The following ZNF730 variants were observed in gnomAD, a reference collection of about 807,000 sequenced individuals.
The protein encoded by ZNF730 is zinc finger protein 730.
In ZNF730, 12 loss-of-function variants were observed where a neutral mutation model predicts 12.6. The ratio of observed to expected loss-of-function variants is 0.95; its 90% CI spans 0.61 to 1.54. ZNF730 has a LOEUF of 1.54. Among genes scored for constraint, ZNF730 ranks in the 40% most tolerant of loss-of-function variants. ZNF730 has a pLI of 0.00. For synonymous variants in ZNF730, 194 were observed against 195.8 expected, an observed-to-expected ratio of 0.99 and a Z score of 0.08; for missense variants, 643 against 583.5, an observed-to-expected ratio of 1.10 and a Z score of -1.05.
At chr19:23,130,884 G>C (rs1277714490) in intron 1 of ZNF730, among the ~76,000 whole-genome samples, 1 of 152,090 alleles carries the variant, frequency 6.6e-6, no homozygotes, top group Non-Finnish European at 1.5e-5. Context: ...CCTTTTGAAG[G>C]CCTTATTTAA....
At chr19:23,129,476 T>G (rs955801090) in intron 1 of ZNF730, among the ~76,000 whole-genome samples, 1 of 152,022 alleles carries the variant, frequency 6.6e-6, no homozygotes, top group African/African-American at 2.4e-5. Flanking sequence ...AAGATTTGAC[T>G]GCCCTGCTTG....
chr19:23,095,303 TG>T, intron 1 of ZNF730: 1 of 398,566 alleles, frequency 2.5e-6, no homozygotes, highest in South Asian at 1.3e-4. Flanking sequence ...ACGTACGTTA[TG>T]TGACTCTCCT....
At chr19:23,085,826 A>ATTTTTTTTTTTTTT (rs1383951518) in intron 1 of ZNF730, among the ~76,000 whole-genome samples, 5 of 72,546 alleles carry the variant, frequency 6.9e-5, no homozygotes, top group African/African-American at 1.2e-4. Flanking sequence ...ATTTCACCCA[A>ATTTTTTTTTTTTTT]TTTTTTTTTC....
rs1251425276 is a variant in ZNF730 at position 23,134,073 on chromosome 19, T to C, written c.4-7T>C. 5.6e-6 allele frequency: 9 copies of C among 1,612,596 alleles called. No homozygotes were observed. The highest frequency in any genetic ancestry group is 7.6e-6 in the Non-Finnish European group (9 of 1,179,286). On this transcript the variant is annotated splice_region_variant and splice_polypyrimidine_tract_variant and intron_variant, in intron 1 of 3. Transcript: ENST00000597761. Reference sequence around the variant, plus strand: ...GGTAAATATGTGTGTTTGTTTGTGTTTTTCAGGGAGCGTTGACATTTAGAG... The same window carrying C: ...GGTAAATATGTGTGTTTGTTTGTGTCTTTCAGGGAGCGTTGACATTTAGAG...
Position 23,117,064 on chromosome 19 carries a change from C to T in ZNF730, c.-110C>T. On this transcript the variant is annotated 5_prime_UTR_variant, in exon 1 of 4. Coordinates refer to ENST00000597761, the MANE Select transcript of ZNF730 (RefSeq NM_001277403.2). ...CTGCCGCCGAAGCTCCAATTTTCGT[C>T]TGTCTGCTTTGTGTCCTCTGCACGT... is the stretch of plus-strand genomic sequence containing the variant. The T allele has an allele frequency of 2.0e-6, 3 of 1,537,860 alleles. No individual in the cohort carries two copies. The highest frequency in any genetic ancestry group is 2.6e-6 in the Non-Finnish European group (3 of 1,133,084).
In ZNF730 at chr19:23,145,264, C is replaced by G. The variant is rs962902007; in HGVS notation, c.227-7C>G. 1 of 1,479,834 alleles carries G rather than the reference C, an allele frequency of 6.8e-7. No individual in the cohort carries two copies. Among genetic ancestry groups the G allele is most frequent in the African/African-American group, 1.4e-5 (1 of 70,692 alleles). 91.7% of individuals were successfully genotyped at this position (1,479,834 alleles called of 1,614,324 possible). A position where few individuals can be genotyped will look rare whatever the true frequency, so the allele number is the denominator to read the frequency against. ...ATGCAGTAATTTGTTATTTTTATTTCTTTCAGTTATATGTTCTCATATTGC... is the reference window on the plus strand; with the variant it reads ...ATGCAGTAATTTGTTATTTTTATTTGTTTCAGTTATATGTTCTCATATTGC... On this transcript the variant is annotated splice_polypyrimidine_tract_variant and splice_region_variant and intron_variant, in intron 3 of 3. Coordinates refer to ENST00000597761, the MANE Select transcript of ZNF730 (RefSeq NM_001277403.2).
intron 1 of ZNF730, among the ~76,000 whole-genome samples, chr19:23,121,117 TTGTG>T (rs1024835586): frequency 2.0e-5 from 3 of 152,216 alleles, no homozygotes; most frequent in Non-Finnish European, 4.4e-5. Context: ...TTATTTCTGA[TTGTG>T]TGGTCAGTTT....
chr19:23,107,475 A>AAAAAAAAAAAAAAAAAAAAC (rs752480467), intron 1 of ZNF730, among the ~76,000 whole-genome samples: 1 of 118,934 alleles, frequency 8.4e-6, no homozygotes, highest in Non-Finnish European at 1.8e-5. Context: ...AAAAAAAAAA[A>AAAAAAAAAAAAAAAAAAAAC]CCACCACAGC....
At chr19:23,087,306 G>A (rs1970079881) in intron 1 of ZNF730, among the ~76,000 whole-genome samples, 2 of 152,196 alleles carry the variant, frequency 1.3e-5, no homozygotes, top group East Asian at 1.9e-4. Flanking sequence ...TACTCAGAAG[G>A]CTGAAGCAGG....
At chr19:23,081,904 C>T (rs1374338831) in intron 1 of ZNF730, among the ~76,000 whole-genome samples, 1 of 152,084 alleles carries the variant, frequency 6.6e-6, no homozygotes, top group East Asian at 1.9e-4. Flanking sequence ...AAAAATATGC[C>T]ACCATGCCAT....
In ZNF730 at chr19:23,088,763, C is replaced by T. The variant is rs548129431; in HGVS notation, c.-94+13376C>T. Among the ~76,000 whole-genome samples, 18 of 152,252 alleles carry T rather than the reference C, an allele frequency of 1.2e-4. No individual in the cohort carries two copies. The East Asian group carries it at 3.3e-3, about 28-fold the overall frequency. Reference sequence around the variant, plus strand: ...TACAGGTGTGAGCCACCATGCCCAGCGTATTGAGAGTTTTTAACATGAATG... The same window carrying T: ...TACAGGTGTGAGCCACCATGCCCAGTGTATTGAGAGTTTTTAACATGAATG... On this transcript the variant is annotated intron_variant, in intron 1 of 2. Coordinates refer to the ZNF730 transcript ENST00000593635.
intron 1 of ZNF730, among the ~76,000 whole-genome samples, chr19:23,081,137 T>C (rs2963069): frequency 0.45 from 67,924 of 149,956 alleles, 17,904 homozygotes; most frequent in African/African-American, 0.75. Flanking sequence ...TGAGCCACCA[T>C]ACTAGACCTC....
At chr19:23,127,591 C>T (rs1182200492) in intron 1 of ZNF730, 2 of 955,564 alleles carry the variant, frequency 2.1e-6, no homozygotes, top group Non-Finnish European at 3.4e-6. Context: ...GCTCATGTTG[C>T]TGAACAACAG....
chr19:23,095,306 G>T (rs941864542), intron 1 of ZNF730: 1 of 398,512 alleles, frequency 2.5e-6, no homozygotes, highest in South Asian at 1.3e-4. Flanking sequence ...TACGTTATGT[G>T]ACTCTCCTGC....
chr19:23,127,960 C>T (rs1970690838), intron 1 of ZNF730: 2 of 722,622 alleles, frequency 2.8e-6, no homozygotes, highest in Non-Finnish European at 5.1e-6. Context: ...TTGTACTGGC[C>T]TGCTGCTGGC....
intron 3 of ZNF730, chr19:23,143,557 T>C (rs980710311): frequency 6.6e-6 from 1 of 152,242 alleles, no homozygotes; most frequent in Non-Finnish European, 1.5e-5. Context: ...CTTGAATCCT[T>C]TTATTTTCCG....
chr19:23,094,696 A>C (rs570290997), intron 1 of ZNF730, among the ~76,000 whole-genome samples: 1 of 151,410 alleles, frequency 6.6e-6, no homozygotes, highest in Admixed American at 6.6e-5. Context: ...CTGATCTCGA[A>C]CTCCTGACCT....
chr19:23,142,478 T>C lies in ZNF730; in HGVS notation c.227-2793T>C, dbSNP rs143111198. On this transcript the variant is annotated intron_variant, in intron 3 of 3. Coordinates refer to ENST00000597761, the MANE Select transcript of ZNF730 (RefSeq NM_001277403.2). ...GCAGGCAGATCACAAGGTCAGGAGA[T>C]TGAGACCATCCTGGCTAACACGGAG... Among the ~76,000 whole-genome samples the C allele has an allele frequency of 1.9e-3, 292 of 152,018 alleles. 8 individuals carry two copies. The East Asian group carries it at 0.046, about 24-fold the overall frequency.
chr19:23,141,368 G>A (rs911766638), intron 3 of ZNF730, among the ~76,000 whole-genome samples: 3 of 151,212 alleles, frequency 2.0e-5, no homozygotes, highest in South Asian at 2.1e-4. Flanking sequence ...GCACTCCAAC[G>A]TGGGTGACAG....
Sources: gnomAD v4.1 joint callset for allele counts (sites outside exome capture counted in the v4.1 genomes callset) on GRCh38, gnomAD v4.1.1 for gene constraint, MANE v1.5 for transcripts, NCBI Gene and HGNC (gene_info 2026-07-23, HGNC 2026-07-21) for gene names.